The following RPS6KB1 variants were observed in gnomAD, a reference collection of about 807,000 sequenced individuals.
RPS6KB1 encodes ribosomal protein S6 kinase beta-1.
Under a neutral mutation model 70.2 loss-of-function variants are expected in RPS6KB1, and 12 were observed. That is an observed-to-expected ratio of 0.17 (90% CI 0.11 to 0.28). RPS6KB1 has a LOEUF of 0.28. RPS6KB1 is among the 10% of genes least tolerant of loss of function. The probability of loss-of-function intolerance (pLI) is 1.00; values close to 1 mark genes in which losing one functional copy is unlikely to be tolerated. For missense variants in RPS6KB1, 270 were observed against 646.6 expected (o/e 0.42, Z 6.32); for synonymous variants, 175 against 211.2 (o/e 0.83, Z 1.49).
intron 13 of RPS6KB1, among the ~76,000 whole-genome samples, chr17:59,943,890 T>A (rs372449029): frequency 1.4e-4 from 18 of 132,428 alleles, no homozygotes; most frequent in East Asian, 2.1e-4. Context: ...AAAAAAAAAA[T>A]TATATATATA....
intron 1 of RPS6KB1, among the ~76,000 whole-genome samples, chr17:59,909,181 G>A (rs901080423): frequency 3.5e-5 from 5 of 143,320 alleles, no homozygotes; most frequent in African/African-American, 1.3e-4. Context: ...GCCCGCCTCG[G>A]CCTCCCAAAC....
Position 59,947,673 on chromosome 17 carries a change from T to C in RPS6KB1, c.*885T>C. The stretch of plus-strand genomic sequence containing the variant: ...TTTCATCATTGTCCCGGGCCTGCAT[T>C]GCACTGGAAAAAAAAATCGCCACCT... On this transcript the variant is annotated 3_prime_UTR_variant, in exon 15 of 15. Coordinates refer to ENST00000225577, the MANE Select transcript of RPS6KB1 (RefSeq NM_003161.4). The C allele has an allele frequency of 1.1e-6, 1 of 900,734 alleles. No homozygotes were observed. Among genetic ancestry groups the C allele is most frequent in the Non-Finnish European group, 1.8e-6 (1 of 562,628 alleles). 55.8% of individuals were successfully genotyped at this position (900,734 alleles called of 1,614,324 possible). A position where few individuals can be genotyped will look rare whatever the true frequency, so the allele number is the denominator to read the frequency against.
intron 2 of RPS6KB1, among the ~76,000 whole-genome samples, chr17:59,910,878 A>G (rs1053582688): frequency 1.3e-5 from 2 of 152,236 alleles, no homozygotes; most frequent in African/African-American, 2.4e-5. Flanking sequence ...AAAGAGCCAC[A>G]GTTTTAATCT....
At chr17:59,895,318 CTTTTTTTTTT>C (rs71145587) in intron 1 of RPS6KB1, among the ~76,000 whole-genome samples, 10 of 106,278 alleles carry the variant, frequency 9.4e-5, no homozygotes, top group East Asian at 3.4e-4. Context: ...CTGCGCCTGG[CTTTTTTTTTT>C]TTTTTTTTTT....
At chr17:59,901,797 G>A (rs957796060) in intron 1 of RPS6KB1, among the ~76,000 whole-genome samples, 37 of 151,584 alleles carry the variant, frequency 2.4e-4, no homozygotes, top group Non-Finnish European at 4.1e-4. Context: ...TTGGGAGGCC[G>A]AGGCAGGAGG....
intron 4 of RPS6KB1, among the ~76,000 whole-genome samples, chr17:59,916,940 C>T (rs1233876445): frequency 6.6e-6 from 1 of 152,038 alleles, no homozygotes; most frequent in Non-Finnish European, 1.5e-5. Flanking sequence ...ATTATTTTCA[C>T]TTAGAATTTT....
rs781455477 is a variant in RPS6KB1 at position 59,945,556 on chromosome 17, A to G, written c.1340+38A>G. On this transcript the variant is annotated intron_variant, in intron 14 of 14. Transcript: ENST00000225577. ...CTTATTTTCACTTTTTTTTGTTTTT[A>G]AACAACCTACAAGAGTGTTTGCTTA... 45 of 1,115,040 alleles carry G rather than the reference A, an allele frequency of 4.0e-5. No individual in the cohort carries two copies. In the South Asian group the frequency reaches 4.9e-4, roughly 12 times the overall value. 69.1% of individuals were successfully genotyped at this position (1,115,040 alleles called of 1,614,324 possible). A position where few individuals can be genotyped will look rare whatever the true frequency, so the allele number is the denominator to read the frequency against.
intron 4 of RPS6KB1, among the ~76,000 whole-genome samples, chr17:59,917,321 G>T (rs2043015828): frequency 1.3e-5 from 2 of 152,056 alleles, no homozygotes; most frequent in South Asian, 2.1e-4. Flanking sequence ...TCACCATGTT[G>T]CCCAGGCTGG....
At chr17:59,899,722 C>G (rs556165751) in intron 1 of RPS6KB1, among the ~76,000 whole-genome samples, 1 of 152,256 alleles carries the variant, frequency 6.6e-6, no homozygotes, top group South Asian at 2.1e-4. Flanking sequence ...TTTTTTCCCC[C>G]TTGATACTGC....
At chr17:59,912,006 C>T (rs2042672528) in intron 2 of RPS6KB1, among the ~76,000 whole-genome samples, 1 of 152,172 alleles carries the variant, frequency 6.6e-6, no homozygotes, top group Non-Finnish European at 1.5e-5. Context: ...TTTCTGCTGA[C>T]ATTGCCAAAT....
chr17:59,916,574 A>G (rs1180834026), intron 4 of RPS6KB1, among the ~76,000 whole-genome samples: 4 of 152,294 alleles, frequency 2.6e-5, no homozygotes, highest in South Asian at 2.1e-4. Flanking sequence ...GGCTTATAAG[A>G]TAATCTATCA....
chr17:59,902,778 A>G (rs1360442475), intron 1 of RPS6KB1, among the ~76,000 whole-genome samples: 1 of 151,680 alleles, frequency 6.6e-6, no homozygotes, highest in Non-Finnish European at 1.5e-5. Context: ...GGGTCTCGTG[A>G]TTTTGTCCCG....
chr17:59,899,204 C>CAAAAA (rs771946273), intron 1 of RPS6KB1, among the ~76,000 whole-genome samples: 3 of 118,348 alleles, frequency 2.5e-5, no homozygotes, highest in African/African-American at 8.9e-5. Context: ...GACTTCGTCT[C>CAAAAA]AGAAAAAAAA....
chr17:59,905,603 C>T (rs1222518360), intron 1 of RPS6KB1, among the ~76,000 whole-genome samples: 1 of 150,942 alleles, frequency 6.6e-6, no homozygotes, highest in African/African-American at 2.4e-5. Context: ...CTCCTGGATT[C>T]AAGCAATTCT....
In RPS6KB1 at chr17:59,893,209, G is replaced by A. The variant is rs139530428; in HGVS notation, c.25G>A (p.Gly9Ser). 3 of 1,608,334 alleles carry A rather than the reference G, an allele frequency of 1.9e-6. No individual in the cohort carries two copies. The highest frequency in any genetic ancestry group is 2.7e-5 in the African/African-American group (2 of 74,880). The change falls in exon 1 of 15, where the codon GGC becomes AGC. Residue 9 changes from glycine (G) to serine (S), a missense_variant. Gly to Ser is a moderately conservative substitution (Grantham distance 56). Transcript: ENST00000225577. The surrounding 1 kb of genome is among the most constrained non-coding windows in gnomAD (Gnocchi z 4.1). ...CATGAGGCGACGAAGGAGGCGGGAC[G>A]GCTTTTACCCAGCCCCGGACTTCCG... MRRRRRRD[G>S]FYPAPDFRDR...
chr17:59,895,657 G>A (rs957951080), intron 1 of RPS6KB1, among the ~76,000 whole-genome samples: 1 of 149,946 alleles, frequency 6.7e-6, no homozygotes, highest in South Asian at 2.1e-4. Context: ...TTTTGAGATG[G>A]AGTCTCACTG....
chr17:59,918,075 A>G (rs2043060930), intron 4 of RPS6KB1, among the ~76,000 whole-genome samples: 1 of 152,042 alleles, frequency 6.6e-6, no homozygotes, highest in Non-Finnish European at 1.5e-5. Flanking sequence ...CTGGGATTAC[A>G]GGCATGTGCC....
chr17:59,937,472 T>A (rs1157400024), intron 12 of RPS6KB1, among the ~76,000 whole-genome samples: 3 of 152,228 alleles, frequency 2.0e-5, no homozygotes, highest in Non-Finnish European at 4.4e-5. Context: ...CTAGATCACA[T>A]TGTTAGAGTT....
chr17:59,903,310 A>T (rs1242479800), intron 1 of RPS6KB1, among the ~76,000 whole-genome samples: 1 of 146,986 alleles, frequency 6.8e-6, no homozygotes, highest in South Asian at 2.2e-4. Context: ...GTCTCAAAAA[A>T]AAAAAAGAAA....
Sources: gnomAD v4.1 joint callset for allele counts (sites outside exome capture counted in the v4.1 genomes callset) on GRCh38, gnomAD v4.1.1 for gene constraint, Gnocchi (gnomAD v3.1) non-coding constraint, MANE v1.5 for transcripts, NCBI Gene and HGNC (gene_info 2026-07-23, HGNC 2026-07-21) for gene names.